Variants in GRIP1 observed in about 807,000 individuals in gnomAD.
The protein encoded by GRIP1 is glutamate receptor interacting protein 1, also known as glutamate receptor-interacting protein 1.
GRIP1 carries 45 observed loss-of-function variants against 129.9 expected under a neutral mutation model. That is an observed-to-expected ratio of 0.35 (90% CI 0.27 to 0.44). The LOEUF (loss-of-function observed/expected upper bound fraction) is 0.44, where lower values mean the gene tolerates loss of function less well. Ranked by LOEUF, GRIP1 falls within the 20% of genes least tolerant of loss-of-function variation. The pLI is 1.00. For missense variants in GRIP1, 1,196 were observed against 1,396.8 expected, an observed-to-expected ratio of 0.86 and a Z score of 2.29; for synonymous variants, 530 against 520.8, an observed-to-expected ratio of 1.02 and a Z score of -0.24.
intron 7 of GRIP1, among the ~76,000 whole-genome samples, chr12:66,488,105 A>T (rs947766792): frequency 1.3e-5 from 2 of 152,184 alleles, no homozygotes; most frequent in African/African-American, 2.4e-5. Flanking sequence ...TCAGGACTTG[A>T]ACTCAGCTCT....
chr12:66,427,004 G>T (rs758714923), intron 14 of GRIP1, among the ~76,000 whole-genome samples: 10 of 152,108 alleles, frequency 6.6e-5, no homozygotes, highest in Non-Finnish European at 1.2e-4. Context: ...TAGGGGAAGG[G>T]TACTTCGGAG....
In GRIP1 at chr12:67,020,524, C is replaced by T. The variant is rs966218633; in HGVS notation, c.58+48526G>A. 7.0e-4 allele frequency among the ~76,000 whole-genome samples: 107 copies of T among 152,178 alleles called. 1 individual carries two copies. The highest frequency in any genetic ancestry group is 2.6e-3 in the African/African-American group (106 of 41,536). ...CTGGGCTCAAGTGATTCTCCCAAAT[C>T]AGCCTCCTGAGCAGCTGGGACTAAA... On this transcript the variant is annotated intron_variant, in intron 1 of 1. Transcript: ENST00000643019.
intron 1 of GRIP1, among the ~76,000 whole-genome samples, chr12:66,938,109 G>A (rs948461365): frequency 1.3e-5 from 2 of 152,192 alleles, no homozygotes; most frequent in Admixed American, 6.5e-5. Flanking sequence ...CAGGCACAGT[G>A]GCTCATACCT....
At chr12:66,917,975 C>CACACAT (rs58899708) in intron 1 of GRIP1, among the ~76,000 whole-genome samples, 1 of 147,830 alleles carries the variant, frequency 6.8e-6, no homozygotes, top group Non-Finnish European at 1.5e-5. Flanking sequence ...CACACACACA[C>CACACAT]GGAGAGAGAG....
chr12:66,430,567 A>T (rs2058118404), intron 14 of GRIP1, among the ~76,000 whole-genome samples: 1 of 152,214 alleles, frequency 6.6e-6, no homozygotes, highest in African/African-American at 2.4e-5. Context: ...CTTCATGTGG[A>T]TAAAACAAAT....
At chr12:67,044,965 A>T (rs1224512328) in intron 1 of GRIP1, among the ~76,000 whole-genome samples, 1 of 152,224 alleles carries the variant, frequency 6.6e-6, no homozygotes, top group Non-Finnish European at 1.5e-5. Flanking sequence ...TCTCCATTTT[A>T]CACATTAGCA....
At chr12:66,914,455 T>A (rs2041086069) in intron 1 of GRIP1, among the ~76,000 whole-genome samples, 1 of 152,240 alleles carries the variant, frequency 6.6e-6, no homozygotes, top group African/African-American at 2.4e-5. Flanking sequence ...ATCATAACTG[T>A]GATGTAGATA....
chr12:66,560,934 C>T (rs1033821564), intron 2 of GRIP1, among the ~76,000 whole-genome samples: 7 of 152,046 alleles, frequency 4.6e-5, no homozygotes, highest in Non-Finnish European at 1.0e-4. Context: ...TGGAAGCAAC[C>T]TGTGTTCATC....
At chr12:66,470,818 G>C (rs961667514) in intron 7 of GRIP1, among the ~76,000 whole-genome samples, 3 of 152,168 alleles carry the variant, frequency 2.0e-5, no homozygotes, top group African/African-American at 7.2e-5. Context: ...CCGTACTCTG[G>C]GGGCAGAAAT....
At chr12:66,675,599 T>C (rs999357249) in intron 1 of GRIP1, among the ~76,000 whole-genome samples, 2 of 152,090 alleles carry the variant, frequency 1.3e-5, no homozygotes, top group African/African-American at 4.8e-5. Flanking sequence ...TAAACAGCTG[T>C]GAAGGTAGGT....
chr12:66,575,204 A>G (rs1466892112), intron 2 of GRIP1, among the ~76,000 whole-genome samples: 2 of 152,158 alleles, frequency 1.3e-5, no homozygotes, highest in Non-Finnish European at 1.5e-5. Context: ...TGTCAAGTCT[A>G]CTTATATATT....
intron 1 of GRIP1, among the ~76,000 whole-genome samples, chr12:66,754,761 C>A (rs966069849): frequency 1.3e-5 from 2 of 152,178 alleles, no homozygotes; most frequent in East Asian, 3.9e-4. Flanking sequence ...GAAATGAAAA[C>A]GGGAGGATAG....
intron 1 of GRIP1, among the ~76,000 whole-genome samples, chr12:66,954,440 G>T (rs1454940733): frequency 6.6e-6 from 1 of 152,174 alleles, no homozygotes; most frequent in Non-Finnish European, 1.5e-5. Flanking sequence ...GGAGAAAGAT[G>T]AATGTCTGGT....
intron 1 of GRIP1, among the ~76,000 whole-genome samples, chr12:66,937,902 T>G (rs1297400587): frequency 6.6e-6 from 1 of 152,130 alleles, no homozygotes; most frequent in African/African-American, 2.4e-5. Context: ...AGAGGAAACA[T>G]GATTTAAACC....
intron 1 of GRIP1, among the ~76,000 whole-genome samples, chr12:67,034,382 T>C (rs1284769105): frequency 6.6e-6 from 1 of 152,172 alleles, no homozygotes; most frequent in African/African-American, 2.4e-5. Flanking sequence ...GCAAACATCA[T>C]AGAGTGCATT....
rs372565068 is a variant in GRIP1 at position 66,639,667 on chromosome 12, T to C, written c.55+39183A>G. Among the ~76,000 whole-genome samples, 76 of 152,364 alleles carry C rather than the reference T, an allele frequency of 5.0e-4. 2 individuals carry two copies. Among genetic ancestry groups the C allele is most frequent in the African/African-American group, 1.8e-3 (73 of 41,592 alleles). On this transcript the variant is annotated intron_variant, in intron 1 of 24. Coordinates refer to ENST00000359742, the MANE Select transcript of GRIP1 (RefSeq NM_001366722.1). Reference sequence around the variant, plus strand: ...CATAAAATGTCCCTTTGAACTATCATTGCATTCTTAGTTTTCAAATTTTTG... The same window carrying C: ...CATAAAATGTCCCTTTGAACTATCACTGCATTCTTAGTTTTCAAATTTTTG...
chr12:66,856,402 C>T (rs1439490992), intron 1 of GRIP1, among the ~76,000 whole-genome samples: 1 of 152,098 alleles, frequency 6.6e-6, no homozygotes, highest in African/African-American at 2.4e-5. Context: ...AGCTTCTGCA[C>T]AGCAAAAGAA....
At chr12:66,359,075 T>C (rs2054624607) in intron 23 of GRIP1, among the ~76,000 whole-genome samples, 1 of 152,168 alleles carries the variant, frequency 6.6e-6, no homozygotes, top group Admixed American at 6.5e-5. Context: ...GGGTGGGGCA[T>C]CCTCCTTGCT....
At chr12:66,757,451 A>G (rs1014837109) in intron 1 of GRIP1, among the ~76,000 whole-genome samples, 1 of 152,166 alleles carries the variant, frequency 6.6e-6, no homozygotes, top group African/African-American at 2.4e-5. Flanking sequence ...CTGTGTAAGT[A>G]CCACATTTCC....
Sources: allele counts gnomAD v4.1 joint callset (sites outside exome capture counted in the v4.1 genomes callset), GRCh38; gene constraint gnomAD v4.1.1; transcripts MANE v1.5; gene names NCBI Gene and HGNC (gene_info 2026-07-23, HGNC 2026-07-21).